The following SEZ6L variants were observed in gnomAD, a reference collection of about 807,000 sequenced individuals.
SEZ6L encodes seizure 6-like protein.
In SEZ6L, 37 loss-of-function variants were observed where a neutral mutation model predicts 106.2. The observed-to-expected ratio is 0.35, with a 90% confidence interval of 0.27 to 0.46. SEZ6L has a LOEUF of 0.46. Among genes scored for constraint, SEZ6L ranks in the 20% least tolerant of loss-of-function variants. The pLI, the probability that SEZ6L is intolerant of heterozygous loss-of-function variation, is 1.00. For missense variants in SEZ6L, 1,172 were observed against 1,332.8 expected (o/e 0.88, Z 1.88); for synonymous variants, 541 against 570.4 (o/e 0.95, Z 0.73).
intron 1 of SEZ6L, among the ~76,000 whole-genome samples, chr22:26,232,648 T>C (rs1488802801): frequency 1.3e-5 from 2 of 152,248 alleles, no homozygotes; most frequent in Non-Finnish European, 2.9e-5. Flanking sequence ...TTACATGCTG[T>C]ACAGGTTTGC....
chr22:26,238,268 G>A (rs556163613), intron 1 of SEZ6L, among the ~76,000 whole-genome samples: 32 of 152,332 alleles, frequency 2.1e-4, no homozygotes, highest in African/African-American at 6.3e-4. Context: ...CATTCAGGCT[G>A]GTATTTTGTA....
intron 1 of SEZ6L, among the ~76,000 whole-genome samples, chr22:26,281,158 G>A (rs2080748851): frequency 7.0e-6 from 1 of 143,050 alleles, no homozygotes; most frequent in African/African-American, 2.5e-5. Context: ...CTGAATTAAT[G>A]GATTAATGGA....
At chr22:26,315,753 A>G (rs2081978837) in intron 9 of SEZ6L, among the ~76,000 whole-genome samples, 1 of 151,736 alleles carries the variant, frequency 6.6e-6, no homozygotes, top group Non-Finnish European at 1.5e-5. Context: ...CCATTGCCTC[A>G]CTCCTCAATA....
rs134772 is a variant in SEZ6L, at chr22:26,207,910, A to ATTTTTT, written c.94+38159_94+38164dup. 2.2e-4 allele frequency among the ~76,000 whole-genome samples: 31 copies of ATTTTTT among 138,494 alleles called. 1 individual carries two copies. Among genetic ancestry groups the ATTTTTT allele is most frequent in the African/African-American group, 7.8e-4 (29 of 37,134 alleles). 90.9% of individuals were successfully genotyped at this position (138,494 alleles called of 152,430 possible). On this transcript the variant is annotated intron_variant, in intron 1 of 16. Coordinates refer to ENST00000248933, the MANE Select transcript of SEZ6L (RefSeq NM_021115.5). ...ATTTTTGCTTTAAATATTCATGTGT[A>ATTTTTT]TTTTTTTTTTTTTTTTTGAGACGGA...
intron 1 of SEZ6L, among the ~76,000 whole-genome samples, chr22:26,284,626 A>C (rs891297577): frequency 3.7e-5 from 5 of 133,964 alleles, no homozygotes; most frequent in Admixed American, 1.4e-4. Flanking sequence ...AAAAAAAAAA[A>C]AAAAAACCCT....
At chr22:26,335,609 C>A (rs1299306346) in intron 9 of SEZ6L, among the ~76,000 whole-genome samples, 1 of 152,140 alleles carries the variant, frequency 6.6e-6, no homozygotes, top group East Asian at 1.9e-4. Context: ...GTTCTATCAC[C>A]CTTTCAGTAG....
intron 1 of SEZ6L, among the ~76,000 whole-genome samples, chr22:26,205,557 C>G (rs1941231069): frequency 6.6e-6 from 1 of 152,102 alleles, no homozygotes; most frequent in African/African-American, 2.4e-5. Flanking sequence ...AGTGTGAGTC[C>G]TGGACCACCT....
At chr22:26,283,427 G>A (rs1014440989) in intron 1 of SEZ6L, among the ~76,000 whole-genome samples, 11 of 152,016 alleles carry the variant, frequency 7.2e-5, no homozygotes, top group South Asian at 4.2e-4. Flanking sequence ...TGTTCTAGTC[G>A]AAAGCCCACG....
chr22:26,223,850 A>T (rs7288529), intron 1 of SEZ6L, among the ~76,000 whole-genome samples: 44,577 of 152,096 alleles, frequency 0.29, 7,010 homozygotes, highest in Middle Eastern at 0.4. Flanking sequence ...AGAAGGTGGT[A>T]GATTGGAGAG....
At chr22:26,348,849 G>C (rs1167096165) in intron 11 of SEZ6L, among the ~76,000 whole-genome samples, 2 of 50,816 alleles carry the variant, frequency 3.9e-5, no homozygotes, top group Non-Finnish European at 7.4e-5. Context: ...GGGGAGAGAA[G>C]GGAGGGAGGG....
intron 1 of SEZ6L, among the ~76,000 whole-genome samples, chr22:26,272,887 G>A (rs1010368234): frequency 1.3e-5 from 2 of 152,140 alleles, no homozygotes; most frequent in African/African-American, 4.8e-5. Flanking sequence ...GTGTGTTTGT[G>A]GGTATGTGTA....
At chr22:26,316,346 A>G (rs1393102133) in intron 9 of SEZ6L, among the ~76,000 whole-genome samples, 2 of 152,198 alleles carry the variant, frequency 1.3e-5, no homozygotes, top group Non-Finnish European at 2.9e-5. Context: ...CACTGAAGAT[A>G]CAGTTGTGAG....
At chr22:26,353,715 T>G (rs1238409509) in intron 12 of SEZ6L, among the ~76,000 whole-genome samples, 1 of 152,180 alleles carries the variant, frequency 6.6e-6, no homozygotes, top group East Asian at 1.9e-4. Context: ...AATTGTGACC[T>G]TGATTAGAAC....
intron 1 of SEZ6L, among the ~76,000 whole-genome samples, chr22:26,255,777 C>T (rs1205817232): frequency 6.6e-6 from 1 of 152,240 alleles, no homozygotes; most frequent in Non-Finnish European, 1.5e-5. Context: ...GTGTTGAGCA[C>T]CTGCTCAGGG....
chr22:26,284,249 C>T (rs557250163), intron 1 of SEZ6L, among the ~76,000 whole-genome samples: 4 of 152,228 alleles, frequency 2.6e-5, no homozygotes, highest in Non-Finnish European at 5.9e-5. Flanking sequence ...CTCCTAGGTG[C>T]TATTTTGCCT....
At chr22:26,374,936 G>A (rs753684469) in intron 14 of SEZ6L, among the ~76,000 whole-genome samples, 5 of 152,152 alleles carry the variant, frequency 3.3e-5, no homozygotes, top group Non-Finnish European at 5.9e-5. Flanking sequence ...GGGTGTCATT[G>A]GGGTGTGCAG....
intron 9 of SEZ6L, among the ~76,000 whole-genome samples, chr22:26,322,613 G>A (rs967708462): frequency 5.9e-5 from 9 of 152,206 alleles, no homozygotes; most frequent in African/African-American, 2.2e-4. Flanking sequence ...GGAGAAAAGT[G>A]TCGTGAGCAA....
intron 1 of SEZ6L, among the ~76,000 whole-genome samples, chr22:26,243,070 C>A (rs1410476696): frequency 1.3e-5 from 2 of 152,110 alleles, no homozygotes; most frequent in African/African-American, 2.4e-5. Flanking sequence ...CTCATATGAC[C>A]TTTTCTTTGT....
At chr22:26,313,651 C>A in intron 8 of SEZ6L, 113 bp from the exon 9 acceptor site, 1 of 1,273,222 alleles carries the variant, frequency 7.9e-7, no homozygotes, top group Non-Finnish European at 1.1e-6. Context: ...CACCTGTCCA[C>A]AGTACACAGA....
Sources: gnomAD v4.1 joint callset for allele counts (sites outside exome capture counted in the v4.1 genomes callset) on GRCh38, gnomAD v4.1.1 for gene constraint, MANE v1.5 for transcripts, NCBI Gene and HGNC (gene_info 2026-07-23, HGNC 2026-07-21) for gene names.